The following COX4I1 variants were observed in gnomAD, a reference collection of about 807,000 sequenced individuals.
COX4I1 encodes the protein cytochrome c oxidase subunit 4 isoform 1, mitochondrial.
Under a neutral mutation model 21.7 loss-of-function variants are expected in COX4I1, and 18 were observed. The observed-to-expected ratio is 0.83, with a 90% CI of 0.57 to 1.23. The LOEUF is 1.23. Among genes scored for constraint, COX4I1 ranks in the 50% most tolerant of loss-of-function variants. The pLI, the probability that COX4I1 is intolerant of heterozygous loss-of-function variation, is 0.00. For synonymous variants in COX4I1, 100 were observed against 81.5 expected, an observed-to-expected ratio of 1.23 and a Z score of -1.23; for missense variants, 238 against 220.7, an observed-to-expected ratio of 1.08 and a Z score of -0.50.
chr16:85,802,494 CTCTGT>C (rs773299199), intron 2 of COX4I1, among the ~76,000 whole-genome samples: 31 of 152,138 alleles, frequency 2.0e-4, no homozygotes, highest in Non-Finnish European at 2.9e-5. Flanking sequence ...GACAAGTCTT[CTCTGT>C]TAAGTTATAA....
chr16:85,803,174 A>C (rs1403321910), intron 2 of COX4I1: 2 of 152,244 alleles, frequency 1.3e-5, no homozygotes, highest in Non-Finnish European at 2.9e-5. Flanking sequence ...AAAAATATTC[A>C]GTATACAAGT....
At chr16:85,805,581 G>A (rs554762630) in intron 3 of COX4I1, 152 bp from the exon 4 acceptor site, 1 of 1,118,514 alleles carries the variant, frequency 8.9e-7, no homozygotes, top group Middle Eastern at 2.0e-4. Context: ...GTGCACGTAC[G>A]TGCGTGAACA....
chr16:85,801,151 A>C lies in COX4I1; in HGVS notation c.-1-54A>C, dbSNP rs148220134. Reference sequence around the variant, plus strand: ...ATGCTCTGGGGCAAAAAGAAGACTAATTCCTTGCTGTTTGTCCTTATTCAT... The same window carrying C: ...ATGCTCTGGGGCAAAAAGAAGACTACTTCCTTGCTGTTTGTCCTTATTCAT... On this transcript the variant is annotated intron_variant, in intron 1 of 4. Coordinates refer to ENST00000253452, the MANE Select transcript of COX4I1 (RefSeq NM_001861.6). The C allele has an allele frequency of 1.3e-3, 1,947 of 1,473,222 alleles. 16 individuals are homozygous for C. The African/African-American group carries it at 0.023, about 18-fold the overall frequency. 91.3% of individuals were successfully genotyped at this position (1,473,222 alleles called of 1,614,324 possible).
intron 4 of COX4I1, 138 bp downstream of exon 4, chr16:85,806,002 T>C (rs1363325875): frequency 1.6e-6 from 2 of 1,261,176 alleles, no homozygotes; most frequent in African/African-American, 1.5e-5. Context: ...TCAGGATTGT[T>C]TCCAGGCCTT....
chr16:85,800,596 C>T (rs1567839445), intron 1 of COX4I1, among the ~76,000 whole-genome samples: 1 of 152,184 alleles, frequency 6.6e-6, no homozygotes, highest in East Asian at 1.9e-4. Flanking sequence ...CTAGCTTTTT[C>T]AGAGTCACCT....
At chr16:85,805,154 G>T in intron 3 of COX4I1, 50 bp downstream of exon 3, 2 of 1,555,182 alleles carry the variant, frequency 1.3e-6, no homozygotes, top group Non-Finnish European at 1.7e-6. Flanking sequence ...TCGGAAGCGT[G>T]TGTGTGACAG....
chr16:85,800,944 G>C (rs1256013318), intron 1 of COX4I1, among the ~76,000 whole-genome samples: 1 of 152,102 alleles, frequency 6.6e-6, no homozygotes, highest in Non-Finnish European at 1.5e-5. Flanking sequence ...TTTTTAAAAA[G>C]ACCAATGTTC....
At chr16:85,800,787 C>T (rs1023301307) in intron 1 of COX4I1, among the ~76,000 whole-genome samples, 1 of 152,088 alleles carries the variant, frequency 6.6e-6, no homozygotes, top group African/African-American at 2.4e-5. Flanking sequence ...CCATGCCCGG[C>T]TAATTTTTGT....
Position 85,804,935 on chromosome 16 carries a change from A to C in COX4I1, c.74-2A>C. On this transcript the variant is annotated splice_acceptor_variant, in intron 2 of 4. Transcript: ENST00000253452. LOFTEE classifies it high-confidence loss of function. ...CAAAGATTTATTCAATATGTTTTTC[A>C]GAAAGTGTTGTGAAGAGCGAAGACT... 1 of 1,598,696 alleles carries C rather than the reference A, an allele frequency of 6.3e-7. No homozygotes were observed. The highest frequency in any genetic ancestry group is 8.5e-7 in the Non-Finnish European group (1 of 1,173,030).
At chr16:85,805,558 C>T (rs544148414) in intron 3 of COX4I1, 175 bp from the exon 4 acceptor site, 40 of 846,876 alleles carry the variant, frequency 4.7e-5, no homozygotes, top group Middle Eastern at 4.6e-4. Context: ...CACATGCCTG[C>T]GTGGGCACGT....
chr16:85,803,299 G>A (rs1024673036), intron 2 of COX4I1: 16 of 152,204 alleles, frequency 1.1e-4, no homozygotes, highest in African/African-American at 3.9e-4. Flanking sequence ...GGGATGAGGT[G>A]TCAAGTATAA....
intron 2 of COX4I1, 98 bp downstream of exon 2, chr16:85,801,376 T>A (rs1905744593): frequency 9.5e-7 from 1 of 1,055,924 alleles, no homozygotes; most frequent in African/African-American, 1.6e-5. Context: ...AGACCTTAAT[T>A]CGGCTCTTGA....
chr16:85,805,210 C>T, intron 3 of COX4I1, 106 bp downstream of exon 3: 1 of 1,199,002 alleles, frequency 8.3e-7, no homozygotes, highest in African/African-American at 1.5e-5. Flanking sequence ...CAGTCTTGCA[C>T]AGGAGGGTTG....
intron 1 of COX4I1, among the ~76,000 whole-genome samples, chr16:85,800,916 GC>G (rs1425571693): frequency 6.6e-6 from 1 of 152,166 alleles, no homozygotes; most frequent in African/African-American, 2.4e-5. Context: ...GAGCCACCGC[GC>G]CCGGCCTCTC....
intron 2 of COX4I1, 101 bp downstream of exon 2, chr16:85,801,379 G>A: frequency 3.2e-6 from 3 of 933,206 alleles, no homozygotes; most frequent in Non-Finnish European, 5.1e-6. Context: ...CCTTAATTCG[G>A]CTCTTGAGGG....
intron 3 of COX4I1, 104 bp from the exon 4 acceptor site, chr16:85,805,629 T>A (rs1906130627): frequency 6.5e-7 from 1 of 1,539,746 alleles, no homozygotes; most frequent in African/African-American, 1.4e-5. Context: ...CAGCTCTGTG[T>A]TTCCTCCTTC....
In COX4I1 at chr16:85,804,766, G is replaced by C. The variant is rs550784564; in HGVS notation, c.74-171G>C. 114 of 589,098 alleles carry C rather than the reference G, an allele frequency of 1.9e-4. No individual in the cohort carries two copies. The South Asian group carries it at 2.5e-3, about 13-fold the overall frequency. 36.5% of individuals were successfully genotyped at this position (589,098 alleles called of 1,614,324 possible). A position where few individuals can be genotyped will look rare whatever the true frequency, so the allele number is the denominator to read the frequency against. On this transcript the variant is annotated intron_variant, in intron 2 of 4. Transcript: ENST00000253452. ...GTTGGCTGTGATGAGAAGTGCTTCT[G>C]TTCCCCCTCCACCACACTCCTGCAA...
intron 4 of COX4I1, chr16:85,806,444 T>C (rs1354816111): frequency 4.3e-6 from 3 of 703,048 alleles, no homozygotes; most frequent in Non-Finnish European, 7.8e-6. Context: ...CCGAATCTAT[T>C]TGATCTTCCA....
In COX4I1 at chr16:85,805,767, G is replaced by A; in HGVS notation, c.276G>A (p.Glu92=). The part of the protein sequence containing the change: ...YRIKFKESFA[E]MNRGSNEWKT... ...TTAAGTTCAAGGAGAGCTTTGCTGAGATGAACAGGGGCTCGAACGAGTGGA... is the reference window on the plus strand; with the variant it reads ...TTAAGTTCAAGGAGAGCTTTGCTGAAATGAACAGGGGCTCGAACGAGTGGA... The change falls in exon 4 of 5, where the codon GAG becomes GAA. Residue 92 remains glutamate, a synonymous_variant. Transcript: ENST00000253452. The A allele has an allele frequency of 1.2e-6, 2 of 1,614,274 alleles. No homozygotes were observed. Among genetic ancestry groups the A allele is most frequent in the South Asian group, 1.1e-5 (1 of 91,090 alleles).
Sources: allele counts gnomAD v4.1 joint callset (sites outside exome capture counted in the v4.1 genomes callset), GRCh38; gene constraint gnomAD v4.1.1; transcripts MANE v1.5; gene names NCBI Gene and HGNC (gene_info 2026-07-23, HGNC 2026-07-21).